B4GALNT2: variants seen among roughly 807,000 people sequenced by gnomAD.
B4GALNT2 encodes the protein beta-1,4-N-acetyl-galactosaminyltransferase 2 (SID blood group).
Under a neutral mutation model 51.1 loss-of-function variants are expected in B4GALNT2, and 42 were observed. The observed-to-expected ratio is 0.82, with a 90% confidence interval of 0.64 to 1.06. B4GALNT2 has a LOEUF of 1.06. B4GALNT2 is among the 50% of genes least tolerant of loss of function. The pLI, the probability that B4GALNT2 is intolerant of heterozygous loss-of-function variation, is 0.00. For missense variants in B4GALNT2, 602 were observed against 633.6 expected (o/e 0.95, Z 0.54); for synonymous variants, 253 against 251.7 (o/e 1.01, Z -0.05).
intron 3 of B4GALNT2, among the ~76,000 whole-genome samples, chr17:49,150,454 G>A (rs1458656730): frequency 6.6e-6 from 1 of 152,190 alleles, no homozygotes; most frequent in African/African-American, 2.4e-5. Context: ...GGGCCATGAT[G>A]ACAATGGCGG....
upstream of B4GALNT2, among the ~76,000 whole-genome samples, chr17:49,129,605 G>A (rs1356872238): frequency 1.6e-5 from 2 of 128,686 alleles, no homozygotes; most frequent in East Asian, 2.0e-4. Flanking sequence ...AACCTGAGAG[G>A]GGCTTCTGGC....
At chr17:49,133,162 G>C in intron 1 of B4GALNT2, 1 of 1,527,840 alleles carries the variant, frequency 6.5e-7, no homozygotes, top group Non-Finnish European at 8.7e-7. Context: ...TTGGAACTCA[G>C]AGGCGCTGAC....
the B4GALNT2 span, among the ~76,000 whole-genome samples, chr17:49,121,097 A>G: frequency 6.6e-6 from 1 of 152,154 alleles, no homozygotes; most frequent in Non-Finnish European, 1.5e-5. Context: ...CAAAGGCTGA[A>G]TTTGAAGAAG....
chr17:49,130,715 G>A (rs899539624), upstream of B4GALNT2, among the ~76,000 whole-genome samples: 4 of 152,044 alleles, frequency 2.6e-5, no homozygotes, highest in African/African-American at 7.2e-5. Flanking sequence ...TCTTATTGTT[G>A]CAGAAACCAT....
At chr17:49,156,666 C>G in intron 5 of B4GALNT2, 63 bp downstream of exon 5, 1 of 1,563,270 alleles carries the variant, frequency 6.4e-7, no homozygotes, top group Non-Finnish European at 8.8e-7. Flanking sequence ...TCAACTGTGG[C>G]TGCTCTCAGC....
At chr17:49,137,785 C>T (rs189463083) in intron 1 of B4GALNT2, among the ~76,000 whole-genome samples, 1 of 152,176 alleles carries the variant, frequency 6.6e-6, no homozygotes, top group East Asian at 1.9e-4. Flanking sequence ...TTTAAGCATT[C>T]GATGAAATGT....
intron 10 of B4GALNT2, 78 bp from the exon 11 acceptor site, chr17:49,169,445 C>CT: frequency 7.2e-7 from 1 of 1,389,208 alleles, no homozygotes; most frequent in Non-Finnish European, 1.0e-6. Flanking sequence ...CCCTGGGACT[C>CT]TCCCCCACCA....
chr17:49,158,501 G>A (rs1478449462), intron 5 of B4GALNT2, among the ~76,000 whole-genome samples: 1 of 152,024 alleles, frequency 6.6e-6, no homozygotes, highest in Admixed American at 6.6e-5. Flanking sequence ...AGCCACGTGT[G>A]GTGGCTCATG....
At chr17:49,156,364 C>T (rs1755360278) in intron 4 of B4GALNT2, among the ~76,000 whole-genome samples, 1 of 152,132 alleles carries the variant, frequency 6.6e-6, no homozygotes, top group Non-Finnish European at 1.5e-5. Context: ...GTTTTAGAAC[C>T]GTTGGGGTTT....
chr17:49,174,465 A>T lies in B4GALNT2; in HGVS notation c.*4737A>T, dbSNP rs935410241. On this transcript the variant is annotated 3_prime_UTR_variant, in exon 11 of 11. Transcript: ENST00000393354. ...GGGATAGTAAAGAAACAGTCTTTTA[A>T]ATCTATGACTATTAAAGGCCAATTC... 2.0e-5 allele frequency: 3 copies of T among 152,314 alleles called. No homozygotes were observed. The highest frequency in any genetic ancestry group is 2.0e-4 in the Admixed American group (3 of 15,290). The allele number at this position is 152,314 out of a possible 1,614,324, so 9.4% of individuals were successfully genotyped here.
Position 49,164,264 on chromosome 17 carries a change from C to T in B4GALNT2, c.943C>T (p.Pro315Ser), listed in dbSNP as rs2042890953. Residue 315 changes from proline to serine, a missense_variant, in exon 8 of 11, where the codon CCC becomes TCC. Pro to Ser is a moderately conservative substitution (Grantham distance 74). Transcript: ENST00000393354. ...CAATCACGTGGAGTATTACACTATG[C>T]CCTTTGGGAAGGTATGTCCCTCTCA... ...KDNHVEYYTMPFGKGWFAGRN... is the reference protein window; with the variant it reads ...KDNHVEYYTMSFGKGWFAGRN... 7 of 1,611,956 alleles carry T rather than the reference C, an allele frequency of 4.3e-6. No individual in the cohort carries two copies. The highest frequency in any genetic ancestry group is 5.1e-6 in the Non-Finnish European group (6 of 1,178,086).
upstream of B4GALNT2, among the ~76,000 whole-genome samples, chr17:49,129,597 C>T (rs1266986994): frequency 1.4e-5 from 2 of 144,666 alleles, no homozygotes; most frequent in South Asian, 2.2e-4. Flanking sequence ...GGAGAATAAA[C>T]CTGAGAGGGG....
chr17:49,166,447 A>C (rs1420471805), intron 9 of B4GALNT2, among the ~76,000 whole-genome samples, 193 bp downstream of exon 9: 1 of 152,106 alleles, frequency 6.6e-6, no homozygotes, highest in Non-Finnish European at 1.5e-5. Flanking sequence ...TCACGCCTCC[A>C]TACTGACTTT....
chr17:49,157,915 T>C (rs1480460048), intron 5 of B4GALNT2, among the ~76,000 whole-genome samples: 1 of 152,222 alleles, frequency 6.6e-6, no homozygotes, highest in African/African-American at 2.4e-5. Context: ...AGAAAGTGTC[T>C]GTTGACTGAC....
At chr17:49,141,904 C>T (rs535613396) in intron 2 of B4GALNT2, 131 bp from the exon 3 acceptor site, 18 of 1,184,784 alleles carry the variant, frequency 1.5e-5, no homozygotes, top group Middle Eastern at 2.9e-4. Context: ...AGGGTCTCAT[C>T]ATCTCAGAAC....
At chr17:49,125,463 C>T in the B4GALNT2 span, among the ~76,000 whole-genome samples, 56 of 152,102 alleles carry the variant, frequency 3.7e-4, no homozygotes, top group Admixed American at 2.2e-3. Flanking sequence ...CCTGGCCAAG[C>T]TTGGGATTTT....
At chr17:49,160,437 C>T (rs2042852488) in intron 6 of B4GALNT2, 118 bp from the exon 7 acceptor site, 2 of 947,176 alleles carry the variant, frequency 2.1e-6, no homozygotes, top group Non-Finnish European at 3.4e-6. Flanking sequence ...TGATCTCATC[C>T]CAACCAGGAC....
intron 1 of B4GALNT2, among the ~76,000 whole-genome samples, chr17:49,133,554 A>G (rs1395065911): frequency 2.6e-5 from 4 of 152,246 alleles, no homozygotes; most frequent in Admixed American, 1.3e-4. Flanking sequence ...CTAAACATTG[A>G]CAAAGAAGTC....
chr17:49,141,613 G>A (rs1267949091), intron 2 of B4GALNT2, among the ~76,000 whole-genome samples, 166 bp downstream of exon 2: 2 of 152,156 alleles, frequency 1.3e-5, no homozygotes, highest in Middle Eastern at 3.2e-3. Flanking sequence ...TGGTCTGTAC[G>A]ATCCAGTCTA....
Sources: gnomAD v4.1 joint callset for allele counts (sites outside exome capture counted in the v4.1 genomes callset) on GRCh38, gnomAD v4.1.1 for gene constraint, MANE v1.5 for transcripts, NCBI Gene and HGNC (gene_info 2026-07-23, HGNC 2026-07-21) for gene names.